KATNB1: variants seen among roughly 807,000 people sequenced by gnomAD.
KATNB1 encodes the protein katanin p80 WD40 repeat-containing subunit B1.
Under a neutral mutation model 82.3 loss-of-function variants are expected in KATNB1, and 38 were observed. The observed-to-expected ratio is 0.46, with a 90% confidence interval of 0.36 to 0.61. The LOEUF is 0.61. Among genes scored for constraint, KATNB1 ranks in the 20% least tolerant of loss-of-function variants. The probability of loss-of-function intolerance (pLI) is 0.00; values close to 1 mark genes in which losing one functional copy is unlikely to be tolerated. For synonymous variants in KATNB1, 361 were observed against 368.7 expected (o/e 0.98, Z 0.24); for missense variants, 749 against 915.7 (o/e 0.82, Z 2.35).
Position 57,751,328 on chromosome 16 carries a change from C to T in KATNB1, c.432+26C>T, listed in dbSNP as rs1555583020. On this transcript the variant is annotated intron_variant, in intron 6 of 19. Coordinates refer to ENST00000379661, the MANE Select transcript of KATNB1 (RefSeq NM_005886.3). The surrounding 1 kb of genome is among the most constrained non-coding windows in gnomAD (Gnocchi z 6.3). Reference sequence around the variant, plus strand: ...GTAAGGATGCGCTCTGTCGGTGACTCCATGAGCACCTTGCGGGCATTGAGT... The same window carrying T: ...GTAAGGATGCGCTCTGTCGGTGACTTCATGAGCACCTTGCGGGCATTGAGT... 6.2e-7 allele frequency: 1 copy of T among 1,607,602 alleles called. No individual in the cohort carries two copies. Among genetic ancestry groups the T allele is most frequent in the African/African-American group, 1.3e-5 (1 of 74,774 alleles).
rs1555583664 is a variant in KATNB1 at position 57,752,522 on chromosome 16, C to T, written c.633-8C>T. The T allele has an allele frequency of 6.4e-7, 1 of 1,560,614 alleles. No individual in the cohort carries two copies. The highest frequency in any genetic ancestry group is 1.2e-5 in the South Asian group (1 of 84,778). On this transcript the variant is annotated splice_polypyrimidine_tract_variant and splice_region_variant and intron_variant, in intron 8 of 19. Coordinates refer to ENST00000379661, the MANE Select transcript of KATNB1 (RefSeq NM_005886.3). ...AGGCTTCGCAGCACAGCTTGGCTGCCTTTGCAGGACAATCCGCTTCTGGGA... is the reference window on the plus strand; with the variant it reads ...AGGCTTCGCAGCACAGCTTGGCTGCTTTTGCAGGACAATCCGCTTCTGGGA...
intron 4 of KATNB1, among the ~76,000 whole-genome samples, chr16:57,745,785 T>C (rs1007657126): frequency 1.4e-5 from 2 of 143,152 alleles, no homozygotes; most frequent in Admixed American, 1.4e-4. Context: ...CTGGAGTTAA[T>C]AATAGTTCCT....
intron 3 of KATNB1, among the ~76,000 whole-genome samples, chr16:57,743,535 T>C (rs1755238501): frequency 6.6e-6 from 1 of 152,186 alleles, no homozygotes; most frequent in South Asian, 2.1e-4. Context: ...GCATCACCAA[T>C]GACTGACCAA....
Position 57,751,178 on chromosome 16 carries a change from G to A in KATNB1, c.391-83G>A, listed in dbSNP as rs369968858. ...GACCTAGAGAAGGCTGGGCCCCACCGTCTGCTCACGACTGCACACCTTCCT... is the reference window on the plus strand; with the variant it reads ...GACCTAGAGAAGGCTGGGCCCCACCATCTGCTCACGACTGCACACCTTCCT... On this transcript the variant is annotated intron_variant, in intron 5 of 19. Transcript: ENST00000379661. This position sits in a 1 kb window ranked among gnomAD's most constrained non-coding sequence, Gnocchi z 6.3. The A allele has an allele frequency of 3.7e-4, 490 of 1,334,910 alleles. No homozygotes were observed. The African/African-American group carries it at 5.2e-3, about 14-fold the overall frequency. 82.7% of individuals were successfully genotyped at this position (1,334,910 alleles called of 1,614,324 possible).
chr16:57,750,304 T>C (rs1271255142), intron 4 of KATNB1, among the ~76,000 whole-genome samples: 4 of 152,158 alleles, frequency 2.6e-5, no homozygotes, highest in African/African-American at 4.8e-5. Context: ...TGAGGTAACA[T>C]AGGGCTGTCA....
At position 57,744,534 on chromosome 16, in the gene KATNB1, T is replaced by C. The variant is rs543686228; in HGVS notation, c.289+23T>C. 2.1e-5 allele frequency: 33 copies of C among 1,561,512 alleles called. No individual in the cohort carries two copies. The South Asian group carries it at 3.7e-4, about 17-fold the overall frequency. ...AAAGTAGGCCTCCGAGCTTGCCTCCTGTGCACGCACACCTGCCTTAGTCTT... is the reference window on the plus strand; with the variant it reads ...AAAGTAGGCCTCCGAGCTTGCCTCCCGTGCACGCACACCTGCCTTAGTCTT... On this transcript the variant is annotated intron_variant, in intron 4 of 19. Coordinates refer to ENST00000379661, the MANE Select transcript of KATNB1 (RefSeq NM_005886.3).
At position 57,751,406 on chromosome 16, in the gene KATNB1, T is replaced by C; in HGVS notation, c.432+104T>C. The C allele has an allele frequency of 1.7e-6, 2 of 1,200,264 alleles. No individual in the cohort carries two copies. Among genetic ancestry groups the C allele is most frequent in the Non-Finnish European group, 2.5e-6 (2 of 807,466 alleles). 74.4% of individuals were successfully genotyped at this position (1,200,264 alleles called of 1,614,324 possible). On this transcript the variant is annotated intron_variant, in intron 6 of 19. Coordinates refer to ENST00000379661, the MANE Select transcript of KATNB1 (RefSeq NM_005886.3). This position sits in a 1 kb window ranked among gnomAD's most constrained non-coding sequence, Gnocchi z 6.3. ...GGGTGGAGGGGACGGCTGTCCCACA[T>C]GGGTGATAACATAAAACATAGACCT...
intron 2 of KATNB1, among the ~76,000 whole-genome samples, chr16:57,741,410 C>G (rs1287450932): frequency 1.3e-5 from 2 of 152,152 alleles, no homozygotes; most frequent in Non-Finnish European, 2.9e-5. Flanking sequence ...TCAATATTAC[C>G]AGGTGATATG....
intron 19 of KATNB1, 49 bp downstream of exon 19, chr16:57,756,521 G>A (rs1243931934): frequency 6.6e-7 from 1 of 1,507,842 alleles, no homozygotes; most frequent in African/African-American, 1.4e-5. Flanking sequence ...ACAGGTGAGG[G>A]GACAAAGGCC....
At position 57,755,163 on chromosome 16, in the gene KATNB1, A is replaced by G. The variant is rs578042083; in HGVS notation, c.1341A>G (p.Ala447=). 3.1e-6 allele frequency: 5 copies of G among 1,612,404 alleles called. No homozygotes were observed. In the East Asian group the frequency reaches 8.9e-5, roughly 29 times the overall value. The change falls in exon 15 of 20, where the codon GCA becomes GCG. Residue 447 remains alanine (A), a synonymous_variant. Coordinates refer to ENST00000379661, the MANE Select transcript of KATNB1 (RefSeq NM_005886.3). ...CCCCAGTGGTTGCTTCCACACCTGC[A>G]CCCAAGGCTGAGCCTGCCATCATCC... The part of the protein sequence containing the change: ...PRPPVVASTP[A]PKAEPAIIPA...
At position 57,751,739 on chromosome 16, in the gene KATNB1, G is replaced by T; in HGVS notation, c.516+15G>T. The stretch of plus-strand genomic sequence containing the variant: ...ACACCGTGAAGGTAGCTCCCGGCCT[G>T]ACCTGGGCCCAGGGGCTGGGGGCTG... On this transcript the variant is annotated intron_variant, in intron 7 of 19. Transcript: ENST00000379661. This position sits in a 1 kb window ranked among gnomAD's most constrained non-coding sequence, Gnocchi z 6.3. The T allele has an allele frequency of 6.2e-7, 1 of 1,607,076 alleles. No individual in the cohort carries two copies. The highest frequency in any genetic ancestry group is 8.5e-7 in the Non-Finnish European group (1 of 1,179,372).
At position 57,755,892 on chromosome 16, in the gene KATNB1, C is replaced by G. The variant is rs1459910230; in HGVS notation, c.1618C>G (p.Leu540Val). The G allele has an allele frequency of 7.5e-6, 12 of 1,597,258 alleles. No homozygotes were observed. The highest frequency in any genetic ancestry group is 1.0e-5 in the Non-Finnish European group (12 of 1,167,278). Residue 540 changes from leucine (L) to valine (V), a missense_variant, in exon 17 of 20, where the codon CTC (leucine) becomes GTC (valine). Transcript: ENST00000379661. ...AINDLSVVVD[L>V]LNIVNQKASL... is the part of the protein sequence containing the mutation. ...CAACGACCTGTCGGTGGTGGTGGAC[C>G]TCCTGAACATCGTCAACCAGAAAGC... is the stretch of plus-strand genomic sequence containing the variant.
intron 3 of KATNB1, 91 bp from the exon 4 acceptor site, chr16:57,744,303 T>A: frequency 8.8e-7 from 1 of 1,140,218 alleles, no homozygotes; most frequent in South Asian, 1.3e-5. Context: ...AGCCATTTCT[T>A]GCTGAAGCCT....
At chr16:57,737,720 G>A (rs1265841967) in intron 2 of KATNB1, among the ~76,000 whole-genome samples, 1 of 152,096 alleles carries the variant, frequency 6.6e-6, no homozygotes, top group African/African-American at 2.4e-5. Context: ...GAGTGGGAGC[G>A]AGGAGGGGCG....
rs1555580694 is a variant in KATNB1, at chr16:57,744,445, G to A, written c.223G>A (p.Glu75Lys). The change falls in exon 4 of 20, where the codon GAG becomes AAG. Residue 75 changes from glutamate to lysine, a missense_variant. Coordinates refer to ENST00000379661, the MANE Select transcript of KATNB1 (RefSeq NM_005886.3). ...GGAGAGCGTCCGCCTCAACACCCCC[G>A]AGGAGCTCATCGTGGCCGGCTCTCA... ...PVESVRLNTP[E>K]ELIVAGSQSG... 1.2e-6 allele frequency: 2 copies of A among 1,614,034 alleles called. No individual in the cohort carries two copies. Among genetic ancestry groups the A allele is most frequent in the Non-Finnish European group, 8.5e-7 (1 of 1,180,032 alleles).
intron 9 of KATNB1, 29 bp from the exon 10 acceptor site, chr16:57,752,749 G>A: frequency 5.0e-6 from 8 of 1,603,430 alleles, no homozygotes; most frequent in Non-Finnish European, 6.8e-6. Flanking sequence ...GGTGCCACAG[G>A]ACCCACGGCC....
chr16:57,756,706 C>T, intron 19 of KATNB1, 108 bp from the exon 20 acceptor site: 3 of 1,436,234 alleles, frequency 2.1e-6, no homozygotes, highest in Non-Finnish European at 1.8e-6. Context: ...TGGGCCTCCG[C>T]CTTCCCTTGG....
In KATNB1 at chr16:57,756,016, C is replaced by T. The variant is rs1597832000; in HGVS notation, c.1668C>T (p.Cys556=). 6 of 1,612,392 alleles carry T rather than the reference C, an allele frequency of 3.7e-6. No homozygotes were observed. Among genetic ancestry groups the T allele is most frequent in the Non-Finnish European group, 5.1e-6 (6 of 1,180,014 alleles). The change falls in exon 18 of 20, where the codon TGC becomes TGT. Residue 556 remains cysteine (C), a synonymous_variant. Transcript: ENST00000379661. ...QKASLWKLDL[C]TTVLPQIEKL... is the part of the protein sequence containing the mutation. The stretch of plus-strand genomic sequence containing the variant: ...GCTCCCTGTGGAAGCTGGACCTGTG[C>T]ACCACCGTCCTGCCACAGATTGAGA...
intron 12 of KATNB1, 106 bp downstream of exon 12, chr16:57,753,625 C>T: frequency 2.1e-6 from 3 of 1,428,712 alleles, no homozygotes; most frequent in Non-Finnish European, 2.9e-6. Context: ...TTAACTTCCT[C>T]CTAACCCACA....
Sources: allele counts gnomAD v4.1 joint callset (sites outside exome capture counted in the v4.1 genomes callset), GRCh38; gene constraint gnomAD v4.1.1; non-coding constraint Gnocchi (gnomAD v3.1); transcripts MANE v1.5; gene names NCBI Gene and HGNC (gene_info 2026-07-23, HGNC 2026-07-21).